The following ABCA3 variants were observed in gnomAD, a reference collection of about 807,000 sequenced individuals.
ABCA3 encodes the protein ATP binding cassette subfamily A member 3.
In ABCA3, 88 loss-of-function variants were observed where a neutral mutation model predicts 172.8. That is an observed-to-expected ratio of 0.51 (90% confidence interval 0.43 to 0.61). The LOEUF (loss-of-function observed/expected upper bound fraction) is 0.61, where lower values mean the gene tolerates loss of function less well. Among genes scored for constraint, ABCA3 ranks in the 20% least tolerant of loss-of-function variants. The pLI is 0.00. For missense variants in ABCA3, 2,164 were observed against 2,301.0 expected (o/e 0.94, Z 1.22); for synonymous variants, 1,066 against 983.8 (o/e 1.08, Z -1.56).
At position 2,277,451 on chromosome 16, in the gene ABCA3, C is replaced by T; in HGVS notation, c.4983+146G>A. On this transcript the variant is annotated intron_variant, in intron 32 of 32. Coordinates refer to ENST00000301732, the MANE Select transcript of ABCA3 (RefSeq NM_001089.3). The surrounding 1 kb of genome is among the most constrained non-coding windows in gnomAD (Gnocchi z 5.3). The stretch of plus-strand genomic sequence containing the variant: ...AATTTTGGATATAAAACCCCCAAAC[C>T]AGCACGTATCAGGCTGAGTGTTAGG... 1.2e-6 allele frequency: 1 copy of T among 840,210 alleles called. No individual in the cohort carries two copies. Among genetic ancestry groups the T allele is most frequent in the Non-Finnish European group, 1.9e-6 (1 of 519,902 alleles). The allele number at this position is 840,210 out of a possible 1,614,324, so 52.0% of individuals were successfully genotyped here. A position where few individuals can be genotyped will look rare whatever the true frequency, so the allele number is the denominator to read the frequency against.
chr16:2,317,573 T>G, intron 9 of ABCA3, 75 bp downstream of exon 9: 1 of 1,589,546 alleles, frequency 6.3e-7, no homozygotes, highest in South Asian at 1.1e-5. Context: ...ACCACAAAGT[T>G]CTTCCCAAGA....
At chr16:2,301,905 A>G (rs2093690057) in intron 12 of ABCA3, among the ~76,000 whole-genome samples, 1 of 152,228 alleles carries the variant, frequency 6.6e-6, no homozygotes, top group Non-Finnish European at 1.5e-5. Context: ...GCAGCAATGT[A>G]ACACGTCCAT....
rs1596831914 is a variant in ABCA3, at chr16:2,284,123, G to A, written c.3862+156C>T. On this transcript the variant is annotated intron_variant, in intron 25 of 32. Coordinates refer to ENST00000301732, the MANE Select transcript of ABCA3 (RefSeq NM_001089.3). The surrounding 1 kb of genome is among the most constrained non-coding windows in gnomAD (Gnocchi z 5.9). ...GGCCTGGGAGCGAGCGGGCGCGAGG[G>A]GGCTGCTGTGGGAGGTGGGGCAAGG... is the stretch of plus-strand genomic sequence containing the variant. 1.3e-5 allele frequency among the ~76,000 whole-genome samples: 2 copies of A among 152,110 alleles called. No individual in the cohort carries two copies. Among genetic ancestry groups the A allele is most frequent in the East Asian group, 3.9e-4 (2 of 5,168 alleles).
rs768324258 is a variant in ABCA3, at chr16:2,317,621, C to A, written c.990+27G>T. The stretch of plus-strand genomic sequence containing the variant: ...GGTGCCCTGGCTCTCCCCGTCCTCA[C>A]CAGAGCCCCACCGACGCCATGCTCA... On this transcript the variant is annotated intron_variant, in intron 9 of 32. Coordinates refer to ENST00000301732, the MANE Select transcript of ABCA3 (RefSeq NM_001089.3). The A allele has an allele frequency of 1.9e-6, 3 of 1,612,278 alleles. No homozygotes were observed. The African/African-American group carries it at 4.0e-5, about 22-fold the overall frequency.
chr16:2,332,233 CT>C (rs374484947), intron 1 of ABCA3: 30,648 of 347,970 alleles, frequency 0.088, 1 homozygote, highest in Middle Eastern at 0.12. Flanking sequence ...TCCTCCATTT[CT>C]TTTTTTTTTT....
chr16:2,288,099 C>G lies in ABCA3; in HGVS notation c.2931G>C (p.Gln977His). ...GATGCTCTGACAGCTGCTGACCCAG[C>G]TGGGAGGTCCCGGGAACTGAGAAGG... ...VVPFSVPGTS[Q>H]LGQQLSEHLK... The change falls in exon 21 of 33, where the codon CAG becomes CAC. Residue 977 changes from glutamine to histidine, a missense_variant. By Grantham distance (24) the Gln-to-His change is conservative. Around this residue, in one of 3 missense-constraint regions of ABCA3, gnomAD observed 1,343 missense variants for 1,369.6 expected, o/e 0.98. Coordinates refer to ENST00000301732, the MANE Select transcript of ABCA3 (RefSeq NM_001089.3). The G allele has an allele frequency of 1.2e-6, 2 of 1,613,678 alleles. No homozygotes were observed. The highest frequency in any genetic ancestry group is 1.7e-6 in the Non-Finnish European group (2 of 1,179,952).
chr16:2,279,742 ATT>A lies in ABCA3; in HGVS notation c.4360-614_4360-613del, dbSNP rs556253061. Reference sequence around the variant, plus strand: ...TCTTTGGGGTTCTCAAGCTTCCAGAATTTTTTTTTTTTTTTTTGAGACAGAGT... The same window carrying A: ...TCTTTGGGGTTCTCAAGCTTCCAGAATTTTTTTTTTTTTTTGAGACAGAGT... On this transcript the variant is annotated intron_variant, in intron 28 of 32. Coordinates refer to ENST00000301732, the MANE Select transcript of ABCA3 (RefSeq NM_001089.3). This position sits in a 1 kb window ranked among gnomAD's most constrained non-coding sequence, Gnocchi z 4.4. Among the ~76,000 whole-genome samples the A allele has an allele frequency of 9.3e-5, 13 of 140,062 alleles. No individual in the cohort carries two copies. The highest frequency in any genetic ancestry group is 1.1e-4 in the Non-Finnish European group (7 of 64,006). 91.9% of individuals were successfully genotyped at this position (140,062 alleles called of 152,430 possible). A position where few individuals can be genotyped will look rare whatever the true frequency, so the allele number is the denominator to read the frequency against.
Position 2,323,704 on chromosome 16 carries a change from G to C in ABCA3, c.448-16C>G, listed in dbSNP as rs2093729708. ...GATATTTCACCTGTGGAAACAAAGA[G>C]AAAACCAGCTGTTCCGAGAGATCCA... On this transcript the variant is annotated splice_polypyrimidine_tract_variant and intron_variant, in intron 6 of 32. Coordinates refer to ENST00000301732, the MANE Select transcript of ABCA3 (RefSeq NM_001089.3). 1 of 1,613,954 alleles carries C rather than the reference G, an allele frequency of 6.2e-7. No homozygotes were observed. The highest frequency in any genetic ancestry group is 1.7e-5 in the Admixed American group (1 of 59,992).
intron 1 of ABCA3, among the ~76,000 whole-genome samples, chr16:2,333,005 CTA>C (rs901567771): frequency 6.6e-6 from 1 of 152,130 alleles, no homozygotes; most frequent in African/African-American, 2.4e-5. Context: ...TGGAGTCTTG[CTA>C]TGTTGCCCAA....
intron 11 of ABCA3, among the ~76,000 whole-genome samples, chr16:2,306,416 A>C (rs1432556083): frequency 6.6e-6 from 1 of 152,260 alleles, no homozygotes; most frequent in Admixed American, 6.5e-5. Context: ...TGTAAAAGCT[A>C]AAGTGTCAGA....
Position 2,311,806 on chromosome 16 carries a change from C to G in ABCA3, c.1112-3183G>C, listed in dbSNP as rs141070867. Among the ~76,000 whole-genome samples the G allele has an allele frequency of 6.9e-3, 1,052 of 152,278 alleles. 10 individuals carry two copies. Among genetic ancestry groups the G allele is most frequent in the Non-Finnish European group, 9.7e-3 (662 of 68,036 alleles). On this transcript the variant is annotated intron_variant, in intron 10 of 32. Coordinates refer to ENST00000301732, the MANE Select transcript of ABCA3 (RefSeq NM_001089.3). ...AAGTGCTGGGATTACAGGTGTGAGC[C>G]ACTGTGCCCGGCCTAATTTTTTGTA...
chr16:2,278,791 G>A lies in ABCA3; in HGVS notation c.4547+152C>T, dbSNP rs2093650724. On this transcript the variant is annotated intron_variant, in intron 29 of 32. Coordinates refer to ENST00000301732, the MANE Select transcript of ABCA3 (RefSeq NM_001089.3). This position sits in a 1 kb window ranked among gnomAD's most constrained non-coding sequence, Gnocchi z 4.4. ...CAGGGCAGTCCCTTTCCTACGTGGA[G>A]CTACCTGGGTCACACCACCACATCC... is the stretch of plus-strand genomic sequence containing the variant. 6 of 1,187,096 alleles carry A rather than the reference G, an allele frequency of 5.1e-6. No homozygotes were observed. The East Asian group carries it at 7.1e-5, about 14-fold the overall frequency. 73.5% of individuals were successfully genotyped at this position (1,187,096 alleles called of 1,614,324 possible).
At chr16:2,288,612 G>A (rs1259710620) in intron 20 of ABCA3, among the ~76,000 whole-genome samples, 1 of 152,194 alleles carries the variant, frequency 6.6e-6, no homozygotes, top group Non-Finnish European at 1.5e-5. Context: ...GTGGAGTGCA[G>A]TGGTGTGATC....
chr16:2,330,076 A>G (rs1219488897), intron 1 of ABCA3, among the ~76,000 whole-genome samples: 1 of 151,870 alleles, frequency 6.6e-6, no homozygotes, highest in Non-Finnish European at 1.5e-5. Flanking sequence ...TGGGCGGATC[A>G]CCTGAGGTCA....
rs928211824 is a variant in ABCA3, at chr16:2,287,064, G to T, written c.3005-97C>A. The stretch of plus-strand genomic sequence containing the variant: ...GGCTAATCAGGGACCCAATAGAGTG[G>T]TGCCAGCATCCTCTGAGCTGCCCGC... On this transcript the variant is annotated intron_variant, in intron 21 of 32. Transcript: ENST00000301732. This position sits in a 1 kb window ranked among gnomAD's most constrained non-coding sequence, Gnocchi z 4.1. 7.1e-7 allele frequency: 1 copy of T among 1,408,920 alleles called. No individual in the cohort carries two copies. The highest frequency in any genetic ancestry group is 1.4e-5 in the African/African-American group (1 of 70,380). 87.3% of individuals were successfully genotyped at this position (1,408,920 alleles called of 1,614,324 possible).
Position 2,319,771 on chromosome 16 carries a change from T to A in ABCA3, c.683A>T (p.Asp228Val). Residue 228 changes from aspartate (D) to valine (V), a missense_variant, in exon 8 of 33, where the codon GAT (aspartate) becomes GTT (valine). By Grantham distance (152) the Asp-to-Val change is radical. Coordinates refer to ENST00000301732, the MANE Select transcript of ABCA3 (RefSeq NM_001089.3). The part of the protein sequence containing the change: ...VDRAIMEYHA[D>V]AATRQLFQRL... The stretch of plus-strand genomic sequence containing the variant: ...CTGGAACAGCTGGCGTGTGGCGGCA[T>A]CGGCATGGTACTCCATGATGGCCCG... 1 of 1,613,942 alleles carries A rather than the reference T, an allele frequency of 6.2e-7. No homozygotes were observed. The highest frequency in any genetic ancestry group is 1.3e-5 in the African/African-American group (1 of 74,986).
chr16:2,323,393 T>G, intron 7 of ABCA3, 130 bp downstream of exon 7: 1 of 1,253,794 alleles, frequency 8.0e-7, no homozygotes, highest in Non-Finnish European at 1.2e-6. Context: ...CAGCAAAGAC[T>G]TGGAACCAAG....
intron 20 of ABCA3, 143 bp from the exon 21 acceptor site, chr16:2,288,472 G>A: frequency 9.8e-7 from 1 of 1,022,934 alleles, no homozygotes; most frequent in Non-Finnish European, 1.4e-6. Context: ...CCAGAGCGTT[G>A]AAACGGCCGT....
chr16:2,315,906 C>T (rs890688101), intron 10 of ABCA3, among the ~76,000 whole-genome samples: 2 of 132,588 alleles, frequency 1.5e-5, no homozygotes, highest in African/African-American at 5.7e-5. Context: ...TGGTCTTAAA[C>T]TCCTGGGCTC....
Sources: gnomAD v4.1 joint callset for allele counts (sites outside exome capture counted in the v4.1 genomes callset) on GRCh38, gnomAD v4.1.1 for gene constraint, gnomAD v4.1.1 regional missense constraint, Gnocchi (gnomAD v3.1) non-coding constraint, MANE v1.5 for transcripts, NCBI Gene and HGNC (gene_info 2026-07-23, HGNC 2026-07-21) for gene names.